The following KLHDC4 variants were observed in gnomAD, a reference collection of about 807,000 sequenced individuals.
The protein encoded by KLHDC4 is kelch domain-containing protein 4.
KLHDC4 carries 90 observed loss-of-function variants against 62.4 expected under a neutral mutation model. The observed-to-expected ratio is 1.44, with a 90% CI of 1.22 to 1.72. The LOEUF is 1.72. Ranked by LOEUF, KLHDC4 falls within the 40% of genes most tolerant of loss-of-function variation. The probability of loss-of-function intolerance (pLI) is 0.00; values close to 1 mark genes in which losing one functional copy is unlikely to be tolerated. For synonymous variants in KLHDC4, 386 were observed against 284.4 expected (o/e 1.36, Z -3.59); for missense variants, 1,025 against 699.7 (o/e 1.47, Z -5.25).
chr16:87,713,435 C>G (rs1212473922), intron 8 of KLHDC4, among the ~76,000 whole-genome samples: 1 of 152,094 alleles, frequency 6.6e-6, no homozygotes, highest in Non-Finnish European at 1.5e-5. Flanking sequence ...TGGCCTCAAG[C>G]AATCCTCCCA....
In KLHDC4 at chr16:87,749,272, T is replaced by C. The variant is rs536272500; in HGVS notation, c.370-463A>G. On this transcript the variant is annotated intron_variant, in intron 4 of 11. Coordinates refer to ENST00000270583, the MANE Select transcript of KLHDC4 (RefSeq NM_017566.4). ...ATGTGCACGTAAAAGAAAGTGTTTA[T>C]GTGCCAGGCGCGGTGGCTCACACCT... 3.3e-5 allele frequency among the ~76,000 whole-genome samples: 5 copies of C among 152,230 alleles called. No homozygotes were observed. The East Asian group carries it at 9.7e-4, about 29-fold the overall frequency.
intron 4 of KLHDC4, among the ~76,000 whole-genome samples, chr16:87,749,067 T>G (rs1235178515): frequency 1.3e-5 from 2 of 151,396 alleles, no homozygotes; most frequent in African/African-American, 2.4e-5. Flanking sequence ...TCCATTTACA[T>G]GTAGACAATG....
chr16:87,729,696 G>A (rs939445925), intron 6 of KLHDC4, among the ~76,000 whole-genome samples: 3 of 152,224 alleles, frequency 2.0e-5, no homozygotes, highest in Admixed American at 1.3e-4. Context: ...AAAGAGAACC[G>A]CAGGCCTCTT....
intron 7 of KLHDC4, among the ~76,000 whole-genome samples, chr16:87,720,226 T>G (rs369921372): frequency 1.3e-5 from 2 of 151,924 alleles, no homozygotes; most frequent in Non-Finnish European, 2.9e-5. Flanking sequence ...CGGGGAGCGT[T>G]TGTGGGAGAA....
intron 7 of KLHDC4, among the ~76,000 whole-genome samples, chr16:87,720,545 G>C (rs565917724): frequency 1.7e-5 from 2 of 116,602 alleles, no homozygotes; most frequent in South Asian, 2.4e-4. Context: ...CGGAGACGCC[G>C]CGCCCCTGGG....
chr16:87,764,059 G>A (rs997488640), intron 1 of KLHDC4, among the ~76,000 whole-genome samples: 1 of 152,170 alleles, frequency 6.6e-6, no homozygotes, highest in African/African-American at 2.4e-5. Flanking sequence ...GAGTTCTGTG[G>A]GAGCAGAATT....
rs759381085 is a variant in KLHDC4, at chr16:87,748,697, G to A, written c.482C>T (p.Ala161Val). The A allele has an allele frequency of 1.2e-6, 2 of 1,613,632 alleles. No homozygotes were observed. The highest frequency in any genetic ancestry group is 1.7e-5 in the Admixed American group (1 of 59,938). Residue 161 changes from alanine to valine, a missense_variant, in exon 5 of 12, where the codon GCC (alanine) becomes GTC (valine). Ala to Val is a moderately conservative substitution (Grantham distance 64, BLOSUM62 0). Coordinates refer to ENST00000270583, the MANE Select transcript of KLHDC4 (RefSeq NM_017566.4). ...HYKDLWVLHLATKTWEQVKST... is the reference protein window; with the variant it reads ...HYKDLWVLHLVTKTWEQVKST... ...CTTGACTTGTTCCCAGGTCTTGGTG[G>A]CCAAATGCAGGACCCAGAGATCCTT...
intron 7 of KLHDC4, among the ~76,000 whole-genome samples, chr16:87,716,941 A>G (rs1026405965): frequency 1.4e-5 from 2 of 144,126 alleles, no homozygotes; most frequent in African/African-American, 2.5e-5. Flanking sequence ...CAAAAAAAAG[A>G]AAAGAAAAGA....
At chr16:87,725,668 G>A (rs981133843) in intron 7 of KLHDC4, among the ~76,000 whole-genome samples, 3 of 152,182 alleles carry the variant, frequency 2.0e-5, no homozygotes, top group Non-Finnish European at 2.9e-5. Flanking sequence ...GAAGCAACAG[G>A]AACACTTGAG....
chr16:87,742,279 C>T (rs1414668980), intron 5 of KLHDC4, among the ~76,000 whole-genome samples: 1 of 152,186 alleles, frequency 6.6e-6, no homozygotes. Flanking sequence ...CCATCCCCAG[C>T]TACACTAGCC....
At chr16:87,754,905 G>C (rs188841748) in intron 4 of KLHDC4, among the ~76,000 whole-genome samples, 1 of 152,210 alleles carries the variant, frequency 6.6e-6, no homozygotes, top group African/African-American at 2.4e-5. Flanking sequence ...CGTGGGCCTA[G>C]GGGGAGTGAG....
At chr16:87,711,707 G>C (rs181552925) in intron 8 of KLHDC4, among the ~76,000 whole-genome samples, 2 of 152,178 alleles carry the variant, frequency 1.3e-5, no homozygotes, top group African/African-American at 4.8e-5. Context: ...GCTACAAGCC[G>C]CAGTGGAAAG....
intron 2 of KLHDC4, among the ~76,000 whole-genome samples, chr16:87,758,973 C>T (rs984055603): frequency 2.0e-5 from 3 of 151,930 alleles, no homozygotes; most frequent in Non-Finnish European, 2.9e-5. Flanking sequence ...GTGGGGAGTT[C>T]GAGACCAGTC....
At chr16:87,724,322 C>G (rs2038962947) in intron 7 of KLHDC4, among the ~76,000 whole-genome samples, 1 of 152,162 alleles carries the variant, frequency 6.6e-6, no homozygotes, top group African/African-American at 2.4e-5. Flanking sequence ...TAAACAAGGT[C>G]TTCCTGTATC....
intron 2 of KLHDC4, among the ~76,000 whole-genome samples, chr16:87,761,228 T>C (rs2143459566): frequency 6.6e-6 from 1 of 152,298 alleles, no homozygotes; most frequent in East Asian, 1.9e-4. Flanking sequence ...CTCCCACCTC[T>C]GGGCAGGTGA....
downstream of KLHDC4, among the ~76,000 whole-genome samples, chr16:87,706,734 C>A (rs533747809): frequency 5.3e-5 from 8 of 152,340 alleles, no homozygotes; most frequent in Admixed American, 1.3e-4. Flanking sequence ...GGGAGCTCAG[C>A]ACGTGCCCTG....
chr16:87,726,752 C>A lies in KLHDC4; in HGVS notation c.759+13G>T, dbSNP rs755301435. The A allele has an allele frequency of 4.6e-6, 7 of 1,524,634 alleles. No individual in the cohort carries two copies. Among genetic ancestry groups the A allele is most frequent in the Admixed American group, 2.1e-5 (1 of 47,030 alleles). 94.4% of individuals were successfully genotyped at this position (1,524,634 alleles called of 1,614,324 possible). A position where few individuals can be genotyped will look rare whatever the true frequency, so the allele number is the denominator to read the frequency against. On this transcript the variant is annotated intron_variant, in intron 7 of 11. Transcript: ENST00000270583. ...GTCCCACGCCTTGCCTGTTTCCCCA[C>A]CCCCCGCCTTACCTGTTTCGAGTAG...
intron 7 of KLHDC4, among the ~76,000 whole-genome samples, chr16:87,725,681 C>G (rs1216654296): frequency 2.0e-5 from 3 of 152,192 alleles, no homozygotes; most frequent in Non-Finnish European, 4.4e-5. Flanking sequence ...CACTTGAGTT[C>G]CGAGGACAGA....
chr16:87,721,741 G>A (rs1418061082), intron 7 of KLHDC4, among the ~76,000 whole-genome samples: 1 of 152,236 alleles, frequency 6.6e-6, no homozygotes, highest in East Asian at 1.9e-4. Flanking sequence ...ATGCTCCACG[G>A]CCTCGCGGTA....
Sources: allele counts gnomAD v4.1 joint callset (sites outside exome capture counted in the v4.1 genomes callset), GRCh38; gene constraint gnomAD v4.1.1; transcripts MANE v1.5; gene names NCBI Gene and HGNC (gene_info 2026-07-23, HGNC 2026-07-21).